TIGIT: variants seen among roughly 807,000 people sequenced by gnomAD.
The protein encoded by TIGIT is T-cell immunoreceptor with Ig and ITIM domains.
In TIGIT, 11 loss-of-function variants were observed where a neutral mutation model predicts 19.6. The ratio of observed to expected loss-of-function variants is 0.56; its 90% CI spans 0.35 to 0.93. The LOEUF (loss-of-function observed/expected upper bound fraction) is 0.93, where lower values mean the gene tolerates loss of function less well. Ranked by LOEUF, TIGIT falls within the 40% of genes least tolerant of loss-of-function variation. The pLI, the probability that TIGIT is intolerant of heterozygous loss-of-function variation, is 0.01. For synonymous variants in TIGIT, 130 were observed against 125.5 expected, an observed-to-expected ratio of 1.04 and a Z score of -0.24; for missense variants, 295 against 303.9, an observed-to-expected ratio of 0.97 and a Z score of 0.22.
Position 114,295,883 on chromosome 3 carries a change from G to A in TIGIT, c.391+9G>A. 4 of 1,584,880 alleles carry A rather than the reference G, an allele frequency of 2.5e-6. No homozygotes were observed. Among genetic ancestry groups the A allele is most frequent in the Non-Finnish European group, 3.4e-6 (4 of 1,160,880 alleles). On this transcript the variant is annotated intron_variant, in intron 2 of 3. Transcript: ENST00000383671. ...GGTCCTAGAAAGCTCAGGTATTCCTGCTGGAGCAAGTTGGTGGATAAACCT... is the reference window on the plus strand; with the variant it reads ...GGTCCTAGAAAGCTCAGGTATTCCTACTGGAGCAAGTTGGTGGATAAACCT...
At chr3:114,304,905 A>G (rs1469228056) in intron 3 of TIGIT, among the ~76,000 whole-genome samples, 3 of 152,210 alleles carry the variant, frequency 2.0e-5, no homozygotes, top group Non-Finnish European at 4.4e-5. Flanking sequence ...TAGCTTTGGC[A>G]TAGAAAATTT....
Position 114,309,472 on chromosome 3 carries a change from TA to T in TIGIT, c.*1346del, listed in dbSNP as rs2078558028. 1 of 152,224 alleles carries T rather than the reference TA, an allele frequency of 6.6e-6. No individual in the cohort carries two copies. The highest frequency in any genetic ancestry group is 2.4e-5 in the African/African-American group (1 of 41,456). 9.4% of individuals were successfully genotyped at this position (152,224 alleles called of 1,614,324 possible). On this transcript the variant is annotated 3_prime_UTR_variant, in exon 4 of 4. Coordinates refer to ENST00000383671, the MANE Select transcript of TIGIT (RefSeq NM_173799.4). ...AGCAAGGTTGTGTCTTGCGCATGGT[TA>T]AAAATAAAGCATTGTCCTGCTTCCT...
Position 114,295,619 on chromosome 3 carries a change from C to T in TIGIT, c.136C>T (p.His46Tyr), listed in dbSNP as rs1401063877. ...EKGGSIILQC[H>Y]LSSTTAQVTQ... ...AGGTGGCTCTATCATCTTACAATGT[C>T]ACCTCTCCTCCACCACGGCACAAGT... Residue 46 changes from histidine (H) to tyrosine (Y), a missense_variant, in exon 2 of 4, where the codon CAC (histidine) becomes TAC (tyrosine). Physicochemically the swap from His to Tyr is moderately conservative, Grantham distance 83 (BLOSUM62 2). Transcript: ENST00000383671. The T allele has an allele frequency of 6.2e-7, 1 of 1,614,186 alleles. No homozygotes were observed. The highest frequency in any genetic ancestry group is 1.1e-5 in the South Asian group (1 of 91,086).
chr3:114,296,956 G>T (rs1309860305), intron 2 of TIGIT, among the ~76,000 whole-genome samples: 2 of 144,724 alleles, frequency 1.4e-5, no homozygotes, highest in East Asian at 2.1e-4. Context: ...GTGCAATGGC[G>T]CAATCTCAGC....
rs149674786 is a variant in TIGIT at position 114,295,780 on chromosome 3, C to T, written c.297C>T (p.Thr99=). Residue 99 remains threonine (T), a synonymous_variant, in exon 2 of 4, where the codon ACC becomes ACT. Coordinates refer to ENST00000383671, the MANE Select transcript of TIGIT (RefSeq NM_173799.4). ...PGLGLTLQSL[T]VNDTGEYFCI... ...TGGGCCTCACCCTCCAGTCGCTGAC[C>T]GTGAACGATACAGGGGAGTACTTCT... 10 of 1,614,064 alleles carry T rather than the reference C, an allele frequency of 6.2e-6. No individual in the cohort carries two copies. The Admixed American group carries it at 8.3e-5, about 13-fold the overall frequency.
rs913346605 is a variant in TIGIT, at chr3:114,310,081, GC to G, written c.*1952del. 9 of 152,110 alleles carry G rather than the reference GC, an allele frequency of 5.9e-5. No individual in the cohort carries two copies. The highest frequency in any genetic ancestry group is 2.0e-4 in the Admixed American group (3 of 15,262). The allele number at this position is 152,110 out of a possible 1,614,324, so 9.4% of individuals were successfully genotyped here. ...GGAGACATGCGCTATCCACCACGTA[GC>G]CACTTTCCACATGTGGCCATCAACC... On this transcript the variant is annotated 3_prime_UTR_variant, in exon 4 of 4. Transcript: ENST00000383671.
intron 2 of TIGIT, among the ~76,000 whole-genome samples, chr3:114,297,509 CT>C (rs1314142183): frequency 6.6e-6 from 1 of 152,150 alleles, no homozygotes; most frequent in East Asian, 1.9e-4. Flanking sequence ...ATTCTGGGCT[CT>C]TTACCCCAGT....
chr3:114,298,901 A>G (rs2078471909), intron 2 of TIGIT, among the ~76,000 whole-genome samples: 1 of 152,102 alleles, frequency 6.6e-6, no homozygotes, highest in Non-Finnish European at 1.5e-5. Flanking sequence ...TTTTTCTCAC[A>G]TTCTTCTTGG....
At chr3:114,302,301 A>C (rs1027693865) in intron 3 of TIGIT, among the ~76,000 whole-genome samples, 2 of 152,220 alleles carry the variant, frequency 1.3e-5, no homozygotes, top group Admixed American at 6.5e-5. Context: ...TAGGGTGGAG[A>C]AGGTTAGAGA....
intron 2 of TIGIT, among the ~76,000 whole-genome samples, chr3:114,297,824 C>G (rs1163319602): frequency 6.6e-6 from 1 of 152,142 alleles, no homozygotes; most frequent in Non-Finnish European, 1.5e-5. Context: ...TCTATTGGAC[C>G]CCTGTGCAGC....
At position 114,303,621 on chromosome 3, in the gene TIGIT, G is replaced by GTA. The variant is rs375978834; in HGVS notation, c.498+3927_498+3928dup. 5.3e-5 allele frequency among the ~76,000 whole-genome samples: 3 copies of GTA among 56,802 alleles called. 1 individual carries two copies. Among genetic ancestry groups the GTA allele is most frequent in the African/African-American group, 1.5e-4 (3 of 19,644 alleles). The allele number at this position is 56,802 out of a possible 152,430, so 37.3% of individuals were successfully genotyped here. On this transcript the variant is annotated intron_variant, in intron 3 of 3. Coordinates refer to ENST00000383671, the MANE Select transcript of TIGIT (RefSeq NM_173799.4). The stretch of plus-strand genomic sequence containing the variant: ...TGTATATATATATATACATATATAT[G>GTA]TATATATATACACACACACACACAC...
chr3:114,295,451 CAGTTGGGGCCTCAAAGG>C, intron 1 of TIGIT, 77 bp from the exon 2 acceptor site: 1 of 913,320 alleles, frequency 1.1e-6, no homozygotes, highest in Admixed American at 2.2e-5. Flanking sequence ...TTCCAAAATC[CAGTTGGGGCCTCAAAGG>C]CCCTTAGAAT....
In TIGIT at chr3:114,308,345, G is replaced by A. The variant is rs527251220; in HGVS notation, c.*214G>A. 2.1e-6 allele frequency: 1 copy of A among 486,192 alleles called. No individual in the cohort carries two copies. The highest frequency in any genetic ancestry group is 3.6e-6 in the Non-Finnish European group (1 of 274,822). 30.1% of individuals were successfully genotyped at this position (486,192 alleles called of 1,614,324 possible). On this transcript the variant is annotated 3_prime_UTR_variant, in exon 4 of 4. Transcript: ENST00000383671. Reference sequence around the variant, plus strand: ...TTGCATTATGGCAGGCCTAGGGTGAGTAACGTGGATCTTGATCATAAATGC... The same window carrying A: ...TTGCATTATGGCAGGCCTAGGGTGAATAACGTGGATCTTGATCATAAATGC...
chr3:114,303,811 T>C (rs2078513141), intron 3 of TIGIT, among the ~76,000 whole-genome samples: 1 of 152,052 alleles, frequency 6.6e-6, no homozygotes, highest in South Asian at 2.1e-4. Flanking sequence ...AAATCATAGT[T>C]CTACTTTTAG....
At chr3:114,305,489 C>T (rs765157249) in intron 3 of TIGIT, among the ~76,000 whole-genome samples, 8 of 152,184 alleles carry the variant, frequency 5.3e-5, no homozygotes, top group Non-Finnish European at 1.0e-4. Context: ...GAAGAAAGCT[C>T]AGCATGGATA....
intron 3 of TIGIT, among the ~76,000 whole-genome samples, chr3:114,303,540 CACATATATATGTAT>C (rs1560033507): frequency 3.5e-4 from 3 of 8,574 alleles, no homozygotes; most frequent in African/African-American, 5.8e-4. Context: ...TATATATATA[CACATATATATGTAT>C]ATATATATAC....
intron 1 of TIGIT, among the ~76,000 whole-genome samples, chr3:114,294,791 T>A (rs2078442560): frequency 6.6e-6 from 1 of 152,168 alleles, no homozygotes; most frequent in Admixed American, 6.5e-5. Context: ...GCTATTGGAT[T>A]TCTTGGCTTT....
intron 3 of TIGIT, among the ~76,000 whole-genome samples, chr3:114,303,158 T>C (rs901513273): frequency 6.6e-6 from 1 of 152,034 alleles, no homozygotes; most frequent in African/African-American, 2.4e-5. Flanking sequence ...TTTATTTCAA[T>C]AGGTTTTTGG....
chr3:114,304,928 A>G (rs1387159545), intron 3 of TIGIT, among the ~76,000 whole-genome samples: 1 of 152,184 alleles, frequency 6.6e-6, no homozygotes, highest in Non-Finnish European at 1.5e-5. Flanking sequence ...CTAGGCTTAG[A>G]ATCAGCCTTC....
Sources: gnomAD v4.1 joint callset for allele counts (sites outside exome capture counted in the v4.1 genomes callset) on GRCh38, gnomAD v4.1.1 for gene constraint, MANE v1.5 for transcripts, NCBI Gene and HGNC (gene_info 2026-07-23, HGNC 2026-07-21) for gene names.